Variants in DPYD observed in about 807,000 individuals in gnomAD.
DPYD encodes the protein dihydropyrimidine dehydrogenase [NADP(+)].
In DPYD, 109 loss-of-function variants were observed where a neutral mutation model predicts 116.2. The ratio of observed to expected loss-of-function variants is 0.94; its 90% CI spans 0.80 to 1.10. The LOEUF (loss-of-function observed/expected upper bound fraction) is 1.10. Ranked by LOEUF, DPYD falls within the 50% of genes least tolerant of loss-of-function variation. DPYD has a pLI of 0.00. For missense variants in DPYD, 1,302 were observed against 1,254.5 expected (o/e 1.04, Z -0.57); for synonymous variants, 440 against 432.0 (o/e 1.02, Z -0.23).
chr1:97,099,572 T>G (rs1018156688), intron 20 of DPYD, among the ~76,000 whole-genome samples: 2 of 152,136 alleles, frequency 1.3e-5, no homozygotes, highest in Non-Finnish European at 2.9e-5. Context: ...TTCCAAATGT[T>G]TTGTGTCGGC....
Position 97,544,513 on chromosome 1 carries a change from T to C in DPYD, c.1524+5047A>G, listed in dbSNP as rs78025571. Among the ~76,000 whole-genome samples, 1,304 of 152,350 alleles carry C rather than the reference T, an allele frequency of 8.6e-3. 18 individuals are homozygous for C. The highest frequency in any genetic ancestry group is 0.029 in the African/African-American group (1,214 of 41,578). ...TGTGTTTTTAAAGCACATGCATGTT[T>C]TCTTCATTATAGCTAAAGGTCTGTT... On this transcript the variant is annotated intron_variant, in intron 12 of 22. Transcript: ENST00000370192.
chr1:97,518,485 T>C (rs942439176), intron 12 of DPYD, among the ~76,000 whole-genome samples: 2 of 152,134 alleles, frequency 1.3e-5, no homozygotes, highest in African/African-American at 4.8e-5. Context: ...CTCAGAGAAC[T>C]CAAGCATATC....
intron 18 of DPYD, among the ~76,000 whole-genome samples, chr1:97,245,097 CA>C (rs1662624820): frequency 6.6e-6 from 1 of 152,006 alleles, no homozygotes; most frequent in African/African-American, 2.4e-5. Context: ...TATTAAGTAC[CA>C]GTTGCTCTGC....
chr1:97,878,584 T>A (rs904932818), intron 2 of DPYD, among the ~76,000 whole-genome samples: 1 of 151,832 alleles, frequency 6.6e-6, no homozygotes, highest in Admixed American at 6.6e-5. Flanking sequence ...TCATATGTGT[T>A]TTATCTCCTA....
chr1:97,416,169 C>T (rs1327026264), intron 14 of DPYD, among the ~76,000 whole-genome samples: 4 of 152,148 alleles, frequency 2.6e-5, no homozygotes, highest in Non-Finnish European at 5.9e-5. Flanking sequence ...AAAAACATGT[C>T]ATAATATAGA....
At chr1:97,200,237 T>A (rs903537640) in intron 19 of DPYD, among the ~76,000 whole-genome samples, 2 of 152,168 alleles carry the variant, frequency 1.3e-5, no homozygotes, top group Non-Finnish European at 2.9e-5. Flanking sequence ...ATCATACAGG[T>A]GGATAAACTA....
chr1:97,796,116 C>T (rs17117181), intron 3 of DPYD, among the ~76,000 whole-genome samples: 3,761 of 151,986 alleles, frequency 0.025, 170 homozygotes, highest in African/African-American at 0.087. Context: ...CAGATGTATC[C>T]CCATTTATAT....
At chr1:97,178,717 T>A (rs1657456613) in intron 20 of DPYD, among the ~76,000 whole-genome samples, 1 of 152,160 alleles carries the variant, frequency 6.6e-6, no homozygotes, top group Admixed American at 6.6e-5. Context: ...AGCTACCCCT[T>A]TGGAAACAGT....
At chr1:97,361,102 A>C (rs1034644805) in intron 16 of DPYD, among the ~76,000 whole-genome samples, 1 of 152,200 alleles carries the variant, frequency 6.6e-6, no homozygotes, top group Non-Finnish European at 1.5e-5. Context: ...AATAGACACA[A>C]TAATAAATGA....
chr1:97,166,844 C>A (rs1352220953), intron 20 of DPYD, among the ~76,000 whole-genome samples: 1 of 152,036 alleles, frequency 6.6e-6, no homozygotes, highest in East Asian at 1.9e-4. Context: ...TGCCAGATGG[C>A]CCTATACTTA....
At chr1:97,809,103 T>C (rs1441288570) in intron 3 of DPYD, among the ~76,000 whole-genome samples, 1 of 152,088 alleles carries the variant, frequency 6.6e-6, no homozygotes, top group African/African-American at 2.4e-5. Context: ...TTAAGTGCAG[T>C]TTGAAATCAC....
At chr1:97,099,677 T>C (rs11165781) in intron 20 of DPYD, among the ~76,000 whole-genome samples, 21,657 of 152,034 alleles carry the variant, frequency 0.14, 1,691 homozygotes, top group Non-Finnish European at 0.17. Flanking sequence ...TGATGGAGGT[T>C]TGGAAAACTA....
At chr1:97,454,274 T>C (rs1427305869) in intron 13 of DPYD, among the ~76,000 whole-genome samples, 1 of 151,998 alleles carries the variant, frequency 6.6e-6, no homozygotes, top group African/African-American at 2.4e-5. Context: ...TAACCAATTA[T>C]CTTTGGTTAT....
chr1:97,476,914 T>G (rs1392424240), intron 13 of DPYD, among the ~76,000 whole-genome samples: 4 of 152,186 alleles, frequency 2.6e-5, no homozygotes, highest in African/African-American at 9.7e-5. Flanking sequence ...GCATTAGGTC[T>G]AAAAAATGTA....
chr1:97,904,725 A>G (rs1437458644), intron 1 of DPYD, among the ~76,000 whole-genome samples: 1 of 151,958 alleles, frequency 6.6e-6, no homozygotes, highest in African/African-American at 2.4e-5. Flanking sequence ...TGGGAAAACT[A>G]CTCATTCTCT....
chr1:97,248,767 TTCTC>T (rs1394263091), intron 18 of DPYD, among the ~76,000 whole-genome samples: 1 of 152,176 alleles, frequency 6.6e-6, no homozygotes, highest in Non-Finnish European at 1.5e-5. Context: ...AAAAAATTCT[TTCTC>T]TATATACTCT....
chr1:97,275,638 T>C (rs1237469761), intron 18 of DPYD, among the ~76,000 whole-genome samples: 2 of 152,210 alleles, frequency 1.3e-5, no homozygotes, highest in African/African-American at 4.8e-5. Flanking sequence ...ATGTCATCTA[T>C]TTCCTATAAG....
At chr1:97,628,717 A>G (rs187471259) in intron 8 of DPYD, among the ~76,000 whole-genome samples, 21 of 152,238 alleles carry the variant, frequency 1.4e-4, no homozygotes, top group Admixed American at 1.4e-3. Context: ...CATGCAAAAA[A>G]AAAGTGGCTA....
chr1:97,128,458 T>A (rs1653019759), intron 20 of DPYD, among the ~76,000 whole-genome samples: 1 of 152,210 alleles, frequency 6.6e-6, no homozygotes. Flanking sequence ...AATATTTTAA[T>A]TCCATTGTTC....
Sources: allele counts gnomAD v4.1 joint callset (sites outside exome capture counted in the v4.1 genomes callset), GRCh38; gene constraint gnomAD v4.1.1; transcripts MANE v1.5; gene names NCBI Gene and HGNC (gene_info 2026-07-23, HGNC 2026-07-21).